The following VWF variants were observed in gnomAD, a reference collection of about 807,000 sequenced individuals.
The protein encoded by VWF is Factor VIII related antigen.
VWF carries 176 observed loss-of-function variants against 308.6 expected under a neutral mutation model. The observed-to-expected ratio is 0.57, with a 90% CI of 0.50 to 0.65. VWF has a LOEUF of 0.65. Among genes scored for constraint, VWF ranks in the 30% least tolerant of loss-of-function variants. The pLI is 0.00. For missense variants in VWF, 3,146 were observed against 3,648.2 expected (o/e 0.86, Z 3.55); for synonymous variants, 1,385 against 1,443.4 (o/e 0.96, Z 0.92).
At chr12:6,069,155 A>G (rs766581431) in intron 10 of VWF, among the ~76,000 whole-genome samples, 1 of 152,138 alleles carries the variant, frequency 6.6e-6, no homozygotes, top group Non-Finnish European at 1.5e-5. Context: ...CATGCCTGGC[A>G]TAAGATACAT....
intron 47 of VWF, among the ~76,000 whole-genome samples, chr12:5,955,445 T>G (rs930433546): frequency 1.3e-5 from 2 of 149,438 alleles, no homozygotes; most frequent in African/African-American, 2.4e-5. Context: ...TCAATTCCCA[T>G]CTATGAGTGA....
intron 5 of VWF, among the ~76,000 whole-genome samples, chr12:6,098,089 G>A (rs1446491461): frequency 6.6e-6 from 1 of 152,214 alleles, no homozygotes; most frequent in African/African-American, 2.4e-5. Flanking sequence ...CTGTCCAAGA[G>A]ATGGAATTAC....
intron 5 of VWF, among the ~76,000 whole-genome samples, chr12:6,102,395 T>C (rs1945174056): frequency 6.6e-6 from 1 of 150,584 alleles, no homozygotes; most frequent in African/African-American, 2.5e-5. Flanking sequence ...TGAGCCGAGA[T>C]TGCTCTGCTG....
In VWF at chr12:6,123,126, G is replaced by C. The variant is rs201807815; in HGVS notation, c.55+16C>G. The C allele has an allele frequency of 1.1e-4, 177 of 1,614,136 alleles. 1 individual carries two copies. The East Asian group carries it at 2.0e-3, about 18-fold the overall frequency. On this transcript the variant is annotated intron_variant, in intron 2 of 51. Transcript: ENST00000261405. ...CCTGGGGCAGGAATGAGAAATGGAGGCCCTTTTGTACCTACCTGGCAAAAT... is the reference window on the plus strand; with the variant it reads ...CCTGGGGCAGGAATGAGAAATGGAGCCCCTTTTGTACCTACCTGGCAAAAT...
intron 47 of VWF, among the ~76,000 whole-genome samples, chr12:5,965,545 G>T (rs1008456949): frequency 3.9e-5 from 6 of 152,186 alleles, no homozygotes; most frequent in Admixed American, 3.9e-4. Flanking sequence ...TGAGCAGTCA[G>T]CTGTCAAGCC....
intron 15 of VWF, 76 bp from the exon 16 acceptor site, chr12:6,052,859 C>T: frequency 2.6e-6 from 4 of 1,550,822 alleles, no homozygotes; most frequent in Non-Finnish European, 3.5e-6. Flanking sequence ...ACTTGCCACC[C>T]CTTGTAGCTG....
At chr12:5,980,704 C>T (rs1415406993) in intron 42 of VWF, among the ~76,000 whole-genome samples, 2 of 152,236 alleles carry the variant, frequency 1.3e-5, no homozygotes, top group Non-Finnish European at 2.9e-5. Context: ...AATCCCTGAG[C>T]TGGAAGAGCG....
intron 38 of VWF, among the ~76,000 whole-genome samples, chr12:5,991,418 T>C (rs1313155527): frequency 6.6e-6 from 1 of 152,180 alleles, no homozygotes; most frequent in Non-Finnish European, 1.5e-5. Context: ...ACTAAGATAA[T>C]GAATATATTG....
At chr12:6,031,152 A>G (rs1944257243) in intron 21 of VWF, among the ~76,000 whole-genome samples, 1 of 151,902 alleles carries the variant, frequency 6.6e-6, no homozygotes, top group South Asian at 2.1e-4. Flanking sequence ...TCCCCACCCT[A>G]CTCTAGAGGT....
chr12:6,072,468 G>A, intron 8 of VWF, 26 bp from the exon 9 acceptor site: 2 of 1,580,796 alleles, frequency 1.3e-6, no homozygotes, highest in Non-Finnish European at 1.7e-6. Context: ...TCAAGACAAA[G>A]GCCTCAACAT....
At chr12:6,109,467 A>G (rs1015258960) in intron 5 of VWF, among the ~76,000 whole-genome samples, 3 of 152,270 alleles carry the variant, frequency 2.0e-5, no homozygotes, top group East Asian at 1.9e-4. Flanking sequence ...CTATTTTCCA[A>G]TATGGTACAT....
chr12:5,980,083 A>C (rs1943580398), intron 42 of VWF, among the ~76,000 whole-genome samples: 3 of 76,560 alleles, frequency 3.9e-5, no homozygotes, highest in Middle Eastern at 5.0e-3. Flanking sequence ...GAAAGAAAGA[A>C]AAGAAAGAAA....
At chr12:6,101,873 T>C (rs576244314) in intron 5 of VWF, among the ~76,000 whole-genome samples, 2 of 150,746 alleles carry the variant, frequency 1.3e-5, no homozygotes, top group Non-Finnish European at 3.0e-5. Context: ...CTAAATCTGA[T>C]GAAAGATAGG....
At chr12:6,105,967 C>T (rs536806322) in intron 5 of VWF, among the ~76,000 whole-genome samples, 3 of 152,182 alleles carry the variant, frequency 2.0e-5, no homozygotes, top group African/African-American at 4.8e-5. Flanking sequence ...CACTTGAACC[C>T]GGGAGGTGGA....
At chr12:5,991,474 C>A (rs977696986) in intron 38 of VWF, among the ~76,000 whole-genome samples, 1 of 152,164 alleles carries the variant, frequency 6.6e-6, no homozygotes, top group Non-Finnish European at 1.5e-5. Flanking sequence ...CAATGGCAGA[C>A]ATTATGACAC....
intron 18 of VWF, among the ~76,000 whole-genome samples, chr12:6,038,777 G>C (rs868398787): frequency 6.6e-6 from 1 of 152,234 alleles, no homozygotes. Flanking sequence ...TGCTATGAAG[G>C]CCACAGTGGT....
chr12:6,034,615 C>G (rs1944311669), intron 20 of VWF, 73 bp downstream of exon 20: 2 of 1,610,000 alleles, frequency 1.2e-6, no homozygotes, highest in Admixed American at 3.3e-5. Flanking sequence ...ATCCACAGAA[C>G]CCAACCTGAG....
intron 6 of VWF, among the ~76,000 whole-genome samples, chr12:6,076,132 G>A (rs2136475179): frequency 6.6e-6 from 1 of 152,204 alleles, no homozygotes; most frequent in South Asian, 2.1e-4. Context: ...GTTCCCATCA[G>A]CAACAGCATG....
chr12:6,028,814 T>C (rs1476131738), intron 22 of VWF, among the ~76,000 whole-genome samples: 1 of 152,076 alleles, frequency 6.6e-6, no homozygotes, highest in African/African-American at 2.4e-5. Context: ...ACATGCCAAA[T>C]TGTAAAGACC....
Sources: gnomAD v4.1 joint callset for allele counts (sites outside exome capture counted in the v4.1 genomes callset) on GRCh38, gnomAD v4.1.1 for gene constraint, MANE v1.5 for transcripts, NCBI Gene and HGNC (gene_info 2026-07-23, HGNC 2026-07-21) for gene names.